USP2: variants seen among roughly 807,000 people sequenced by gnomAD.
The protein encoded by USP2 is ubiquitin specific peptidase 2.
In USP2, 33 loss-of-function variants were observed where a neutral mutation model predicts 72.0. The ratio of observed to expected loss-of-function variants is 0.46; its 90% CI spans 0.35 to 0.61. The LOEUF is 0.61. USP2 is among the 20% of genes least tolerant of loss of function. USP2 has a pLI of 0.01. For synonymous variants in USP2, 296 were observed against 312.5 expected, an observed-to-expected ratio of 0.95 and a Z score of 0.56; for missense variants, 691 against 797.8, an observed-to-expected ratio of 0.87 and a Z score of 1.61.
intron 2 of USP2, among the ~76,000 whole-genome samples, chr11:119,362,501 C>T (rs1026886933): frequency 2.0e-5 from 3 of 151,726 alleles, no homozygotes; most frequent in Admixed American, 1.3e-4. Context: ...GTGTAGAAGG[C>T]GGGTGGATAA....
chr11:119,358,221 C>T lies in USP2; in HGVS notation c.1269G>A (p.Leu423=). ...DLFVGQLKSS[L]TCTDCGYCST... is the part of the protein sequence containing the mutation. ...AACAGTAACCACAATCTGTACACGT[C>T]AGCGAGCTCTTTAGCTGCCCAACAA... Residue 423 remains leucine, a synonymous_variant, in exon 8 of 13, where the codon CTG becomes CTA. Coordinates refer to ENST00000260187, the MANE Select transcript of USP2 (RefSeq NM_004205.5). 6.2e-7 allele frequency: 1 copy of T among 1,613,634 alleles called. No homozygotes were observed. Among genetic ancestry groups the T allele is most frequent in the Non-Finnish European group, 8.5e-7 (1 of 1,180,038 alleles).
intron 10 of USP2, 49 bp downstream of exon 10, chr11:119,357,708 C>T (rs1242504197): frequency 6.2e-7 from 1 of 1,613,426 alleles, no homozygotes; most frequent in Admixed American, 1.7e-5. Context: ...CCCTTGTCAT[C>T]AGTCACCCTT....
At chr11:119,375,332 A>G (rs965302021) in intron 1 of USP2, among the ~76,000 whole-genome samples, 6 of 152,214 alleles carry the variant, frequency 3.9e-5, no homozygotes, top group African/African-American at 1.4e-4. Flanking sequence ...CCGGAACAGC[A>G]TTCCTTGACC....
In USP2 at chr11:119,356,707, G is replaced by T; in HGVS notation, c.*128C>A. 1 of 982,798 alleles carries T rather than the reference G, an allele frequency of 1.0e-6. No homozygotes were observed. The highest frequency in any genetic ancestry group is 1.7e-5 in the South Asian group (1 of 59,130). The allele number at this position is 982,798 out of a possible 1,614,324, so 60.9% of individuals were successfully genotyped here. ...GATCAGGCTGCATCCACTCCTGCTC[G>T]GCAGCTTCAGGTTTGTTTTTCTCTT... On this transcript the variant is annotated 3_prime_UTR_variant, in exon 13 of 13. Coordinates refer to ENST00000260187, the MANE Select transcript of USP2 (RefSeq NM_004205.5).
chr11:119,378,439 A>C (rs1423424400), intron 1 of USP2, among the ~76,000 whole-genome samples: 1 of 152,108 alleles, frequency 6.6e-6, no homozygotes, highest in African/African-American at 2.4e-5. Context: ...GGCTTTGTCT[A>C]TCAGGGGCTA....
intron 1 of USP2, among the ~76,000 whole-genome samples, chr11:119,375,736 C>T (rs528536577): frequency 9.2e-5 from 14 of 152,336 alleles, no homozygotes; most frequent in Admixed American, 6.5e-4. Flanking sequence ...GGCTCCTCCC[C>T]ACAGCTCTCC....
At chr11:119,365,560 A>T (rs1036165551) in intron 2 of USP2, among the ~76,000 whole-genome samples, 1 of 152,206 alleles carries the variant, frequency 6.6e-6, no homozygotes, top group East Asian at 1.9e-4. Flanking sequence ...CTTTCCAGCC[A>T]AACGCTTTCA....
chr11:119,381,407 T>C, intron 1 of USP2, 66 bp downstream of exon 1: 1 of 1,503,600 alleles, frequency 6.7e-7, no homozygotes, highest in Non-Finnish European at 8.9e-7. Context: ...CACCTTACTT[T>C]CTGAGCTCCA....
intron 2 of USP2, among the ~76,000 whole-genome samples, chr11:119,362,410 T>A (rs1466699023): frequency 6.6e-6 from 1 of 151,964 alleles, no homozygotes; most frequent in Non-Finnish European, 1.5e-5. Flanking sequence ...GACCCTTGGT[T>A]GTTATGTTTT....
intron 1 of USP2, among the ~76,000 whole-genome samples, chr11:119,376,844 G>C (rs1305025142): frequency 6.6e-6 from 1 of 152,218 alleles, no homozygotes; most frequent in Non-Finnish European, 1.5e-5. Context: ...AGCTCTCATC[G>C]GCCCTTGCCA....
chr11:119,360,156 G>A lies in USP2; in HGVS notation c.825+28C>T, dbSNP rs139684051. 1.0e-4 allele frequency: 165 copies of A among 1,611,388 alleles called. No individual in the cohort carries two copies. In the East Asian group the frequency reaches 3.4e-3, roughly 34 times the overall value. On this transcript the variant is annotated intron_variant, in intron 3 of 12. Transcript: ENST00000260187. ...GTCAGCATAGTAGGGGGTGGGCCTG[G>A]GGAAGAAGCAGGCCAGGAAAAACTC...
chr11:119,363,656 C>G (rs930318905), intron 2 of USP2, among the ~76,000 whole-genome samples: 1 of 150,638 alleles, frequency 6.6e-6, no homozygotes, highest in Non-Finnish European at 1.5e-5. Flanking sequence ...GACCTCCACC[C>G]GGGGAGGGGA....
intron 2 of USP2, among the ~76,000 whole-genome samples, chr11:119,372,213 A>AGTCCCTC (rs1204915093): frequency 6.6e-6 from 1 of 152,128 alleles, no homozygotes; most frequent in African/African-American, 2.4e-5. Context: ...CTCAGAGGAG[A>AGTCCCTC]GTCCCTCTTC....
chr11:119,369,274 T>C (rs1205731171), intron 2 of USP2, among the ~76,000 whole-genome samples: 1 of 152,114 alleles, frequency 6.6e-6, no homozygotes, highest in Non-Finnish European at 1.5e-5. Context: ...TGAATTTATG[T>C]GGCGCCCCCT....
At chr11:119,374,094 G>T (rs1195571195) in intron 1 of USP2, among the ~76,000 whole-genome samples, 3 of 152,178 alleles carry the variant, frequency 2.0e-5, no homozygotes, top group South Asian at 2.1e-4. Flanking sequence ...GTGTGGGTGG[G>T]CAGGGGAGGC....
intron 11 of USP2, 52 bp downstream of exon 11, chr11:119,357,431 G>A: frequency 1.9e-6 from 3 of 1,605,412 alleles, no homozygotes; most frequent in South Asian, 1.1e-5. Context: ...CCCTCCCTCC[G>A]GCCTTGCACA....
In USP2 at chr11:119,358,845, C is replaced by T. The variant is rs1950715796; in HGVS notation, c.1173-8G>A. ...CGGCCTTTCTCGTCATCACTGGGAA[C>T]CAGAGAGAGACAACAATTGGGTCAA... On this transcript the variant is annotated splice_polypyrimidine_tract_variant and splice_region_variant and intron_variant, in intron 6 of 12. Coordinates refer to ENST00000260187, the MANE Select transcript of USP2 (RefSeq NM_004205.5). 1 of 1,613,884 alleles carries T rather than the reference C, an allele frequency of 6.2e-7. No homozygotes were observed. Among genetic ancestry groups the T allele is most frequent in the Non-Finnish European group, 8.5e-7 (1 of 1,180,038 alleles).
Position 119,372,601 on chromosome 11 carries a change from C to T in USP2, c.774+106G>A, listed in dbSNP as rs532015523. 3.2e-5 allele frequency: 37 copies of T among 1,161,030 alleles called. No individual in the cohort carries two copies. The East Asian group carries it at 8.5e-4, about 27-fold the overall frequency. 71.9% of individuals were successfully genotyped at this position (1,161,030 alleles called of 1,614,324 possible). A position where few individuals can be genotyped will look rare whatever the true frequency, so the allele number is the denominator to read the frequency against. On this transcript the variant is annotated intron_variant, in intron 2 of 12. Transcript: ENST00000260187. ...TTCTCTTGTTTGTCTCCACCAGGAG[C>T]AGCCTGTCAGTCATCAGTCAGGTTG...
intron 2 of USP2, among the ~76,000 whole-genome samples, chr11:119,360,792 A>G (rs1385863882): frequency 1.3e-5 from 2 of 152,144 alleles, no homozygotes; most frequent in Non-Finnish European, 2.9e-5. Flanking sequence ...TGTATTGACT[A>G]TGTATCTCCC....
Sources: allele counts gnomAD v4.1 joint callset (sites outside exome capture counted in the v4.1 genomes callset), GRCh38; gene constraint gnomAD v4.1.1; transcripts MANE v1.5; gene names NCBI Gene and HGNC (gene_info 2026-07-23, HGNC 2026-07-21).